The following POC1B variants were observed in gnomAD, a reference collection of about 807,000 sequenced individuals.
The protein encoded by POC1B is POC1 centriolar protein homolog B.
In POC1B, 44 loss-of-function variants were observed where a neutral mutation model predicts 60.6. That is an observed-to-expected ratio of 0.73 (90% CI 0.57 to 0.93). POC1B has a LOEUF of 0.93. Ranked by LOEUF, POC1B falls within the 40% of genes least tolerant of loss-of-function variation. The pLI is 0.00. For synonymous variants in POC1B, 180 were observed against 198.9 expected (o/e 0.90, Z 0.80); for missense variants, 555 against 572.3 (o/e 0.97, Z 0.31).
chr12:89,424,166 C>T (rs1880655744), intron 11 of POC1B, among the ~76,000 whole-genome samples: 1 of 152,048 alleles, frequency 6.6e-6, no homozygotes, highest in Non-Finnish European at 1.5e-5. Context: ...CTCCAAAGGC[C>T]CTGAGGTGAT....
chr12:89,422,853 T>A (rs1880600238), intron 11 of POC1B, among the ~76,000 whole-genome samples: 1 of 152,236 alleles, frequency 6.6e-6, no homozygotes, highest in African/African-American at 2.4e-5. Flanking sequence ...ATCCCTATCA[T>A]CTTTTGAATG....
At chr12:89,484,113 A>C (rs532398282) in intron 4 of POC1B, among the ~76,000 whole-genome samples, 18 of 152,338 alleles carry the variant, frequency 1.2e-4, no homozygotes, top group Non-Finnish European at 2.9e-5. Context: ...TAATCTCTAG[A>C]GGTTACCACA....
At chr12:89,493,801 C>T (rs975083936) in intron 3 of POC1B, among the ~76,000 whole-genome samples, 2 of 152,188 alleles carry the variant, frequency 1.3e-5, no homozygotes, top group Non-Finnish European at 2.9e-5. Flanking sequence ...TCCTCTCAGC[C>T]GTAGGCTAAA....
At chr12:89,496,821 G>A (rs757845932) in intron 3 of POC1B, among the ~76,000 whole-genome samples, 25 of 152,118 alleles carry the variant, frequency 1.6e-4, no homozygotes, top group Non-Finnish European at 3.4e-4. Context: ...ACGGGCGTTA[G>A]GAAGTTAATA....
chr12:89,452,664 T>A (rs938442907), intron 10 of POC1B, among the ~76,000 whole-genome samples: 1 of 152,182 alleles, frequency 6.6e-6, no homozygotes, highest in Non-Finnish European at 1.5e-5. Context: ...TAGTGATTAT[T>A]ACTATTTTTA....
At position 89,472,265 on chromosome 12, in the gene POC1B, C is replaced by T. The variant is rs766685723; in HGVS notation, c.463G>A (p.Asp155Asn). The T allele has an allele frequency of 1.9e-5, 30 of 1,573,038 alleles. No individual in the cohort carries two copies. The East Asian group carries it at 2.5e-4, about 13-fold the overall frequency. The change falls in exon 5 of 12, where the codon GAT becomes AAT. Residue 155 changes from aspartate to asparagine, a missense_variant. Transcript: ENST00000313546. ...CTACATGACACAATTAGTCTTCCAT[C>T]GGGTGAAAATCTAGAAAGAAGAAGA... ...HWVRCAKFSPDGRLIVSCSED... is the reference protein window; with the variant it reads ...HWVRCAKFSPNGRLIVSCSED...
chr12:89,425,058 G>A, intron 11 of POC1B, 103 bp downstream of exon 11: 2 of 1,202,912 alleles, frequency 1.7e-6, no homozygotes, highest in Non-Finnish European at 2.4e-6. Flanking sequence ...TGCTAGTATA[G>A]AGAAATCTCC....
chr12:89,501,734 C>A, intron 2 of POC1B: 1 of 923,690 alleles, frequency 1.1e-6, no homozygotes, highest in South Asian at 1.3e-5. Context: ...TATAGCAATT[C>A]TTCAATAAGA....
chr12:89,500,234 G>C (rs1037597090), intron 2 of POC1B: 4 of 1,577,032 alleles, frequency 2.5e-6, no homozygotes, highest in Non-Finnish European at 3.5e-6. Context: ...AAAAAGTCTT[G>C]CCAATGATTT....
chr12:89,430,666 G>T (rs1198976460), intron 10 of POC1B, among the ~76,000 whole-genome samples: 1 of 152,098 alleles, frequency 6.6e-6, no homozygotes, highest in Non-Finnish European at 1.5e-5. Flanking sequence ...ACTCCCACAA[G>T]ACTTCGTGCC....
At chr12:89,523,443 T>C (rs771940505) in intron 2 of POC1B, 122 of 1,613,990 alleles carry the variant, frequency 7.6e-5, no homozygotes, top group Non-Finnish European at 9.6e-5. Flanking sequence ...GGCGAGCATA[T>C]GGTGCCCGCT....
intron 2 of POC1B, among the ~76,000 whole-genome samples, chr12:89,510,978 C>A (rs1870156625): frequency 6.6e-6 from 1 of 151,906 alleles, no homozygotes; most frequent in South Asian, 2.1e-4. Flanking sequence ...TGGTCTCACA[C>A]TCCTGGCCTC....
At chr12:89,418,050 G>A (rs1254464238), downstream of POC1B, among the ~76,000 whole-genome samples, 1 of 152,206 alleles carries the variant, frequency 6.6e-6, no homozygotes, top group Non-Finnish European at 1.5e-5. Flanking sequence ...AGACATGTGT[G>A]AACTGATGTA....
Position 89,421,249 on chromosome 12 carries a change from T to G in POC1B, c.1341A>C (p.Ser447=), listed in dbSNP as rs767654605. The G allele has an allele frequency of 6.3e-7, 1 of 1,592,156 alleles. No homozygotes were observed. The change falls in exon 12 of 12, where the codon TCA becomes TCC. Residue 447 remains serine (S), a synonymous_variant. Coordinates refer to ENST00000313546, the MANE Select transcript of POC1B (RefSeq NM_172240.3). ...EQLNVLTQTV[S]ILEQRLTLTE... ...TCAAAGTCAGTCGCTGCTCCAAGAT[T>G]GAAACAGTCTGCAAAAAGGAGGATA...
chr12:89,500,071 G>A (rs904315032), intron 2 of POC1B: 6 of 1,305,736 alleles, frequency 4.6e-6, no homozygotes, highest in East Asian at 2.5e-5. Context: ...AGACACCTGC[G>A]CTGGCTCAGC....
rs774587323 is a variant in POC1B at position 89,491,945 on chromosome 12, C to T, written c.443G>A (p.Arg148His). Residue 148 changes from arginine (R) to histidine (H), a missense_variant, in exon 4 of 12, where the codon CGC becomes CAC. Arg to His is a conservative substitution (Grantham distance 29). Coordinates refer to ENST00000313546, the MANE Select transcript of POC1B (RefSeq NM_172240.3). ...YSLYRHTHWV[R>H]CAKFSPDGRL... is the part of the protein sequence containing the mutation. Reference sequence around the variant, plus strand: ...AATTTTTTGCACTTACTTGGCACAGCGTACCCAGTGTGTATGTCGATACAA... The same window carrying T: ...AATTTTTTGCACTTACTTGGCACAGTGTACCCAGTGTGTATGTCGATACAA... The T allele has an allele frequency of 3.3e-6, 5 of 1,538,260 alleles. No individual in the cohort carries two copies. Among genetic ancestry groups the T allele is most frequent in the East Asian group, 2.3e-5 (1 of 43,254 alleles).
At chr12:89,493,927 G>T (rs1869112995) in intron 3 of POC1B, among the ~76,000 whole-genome samples, 1 of 152,118 alleles carries the variant, frequency 6.6e-6, no homozygotes, top group African/African-American at 2.4e-5. Flanking sequence ...ACTTAATATA[G>T]GCTCTCTCCT....
intron 2 of POC1B, among the ~76,000 whole-genome samples, chr12:89,517,654 A>G (rs1022447109): frequency 9.2e-5 from 14 of 151,980 alleles, no homozygotes; most frequent in African/African-American, 3.4e-4. Flanking sequence ...AGAAAAAAGC[A>G]TTCTATTCCT....
chr12:89,411,542 T>A, the POC1B span, among the ~76,000 whole-genome samples: 1 of 152,240 alleles, frequency 6.6e-6, no homozygotes, highest in Non-Finnish European at 1.5e-5. Flanking sequence ...AATGTATTTT[T>A]CAGGATCACA....
Sources: gnomAD v4.1 joint callset for allele counts (sites outside exome capture counted in the v4.1 genomes callset) on GRCh38, gnomAD v4.1.1 for gene constraint, MANE v1.5 for transcripts, NCBI Gene and HGNC (gene_info 2026-07-23, HGNC 2026-07-21) for gene names.